Variants in ZNF521 observed in about 807,000 individuals in gnomAD.
ZNF521 encodes the protein LYST-interacting protein 3.
In ZNF521, 14 loss-of-function variants were observed where a neutral mutation model predicts 105.5. The observed-to-expected ratio is 0.13, with a 90% CI of 0.09 to 0.21. The LOEUF is 0.21. Ranked by LOEUF, ZNF521 falls within the 10% of genes least tolerant of loss-of-function variation. ZNF521 has a pLI of 1.00. For missense variants in ZNF521, 1,233 were observed against 1,629.7 expected, an observed-to-expected ratio of 0.76 and a Z score of 4.19; for synonymous variants, 635 against 606.0, an observed-to-expected ratio of 1.05 and a Z score of -0.70.
Position 25,179,116 on chromosome 18 carries a change from C to CTTTTTTTT in ZNF521, c.3658+16036_3658+16043dup, listed in dbSNP as rs1175859497. Among the ~76,000 whole-genome samples, 69 of 52,482 alleles carry CTTTTTTTT rather than the reference C, an allele frequency of 1.3e-3. 8 individuals are homozygous for CTTTTTTTT. Among genetic ancestry groups the CTTTTTTTT allele is most frequent in the Non-Finnish European group, 1.4e-3 (42 of 28,972 alleles). The allele number at this position is 52,482 out of a possible 152,430, so 34.4% of individuals were successfully genotyped here. ...GACTTATACTTCTTTTTCTTTATTC[C>CTTTTTTTT]TTTTTTTTTTTTTTTTTTTTTTTTT... On this transcript the variant is annotated intron_variant, in intron 5 of 7. Transcript: ENST00000361524.
intron 3 of ZNF521, among the ~76,000 whole-genome samples, chr18:25,269,518 A>T (rs12607474): frequency 0.015 from 2,326 of 152,336 alleles, 52 homozygotes; most frequent in East Asian, 0.083. Context: ...CACTTATTCT[A>T]TAATTGACCA....
chr18:25,260,031 T>C (rs1393754794), intron 3 of ZNF521, among the ~76,000 whole-genome samples: 1 of 151,966 alleles, frequency 6.6e-6, no homozygotes, highest in African/African-American at 2.4e-5. Flanking sequence ...AGGCAAATTA[T>C]GTAGGGAGTG....
At chr18:25,321,469 A>AAGACACAGTTTCAGCCATCCATGAGCTT (rs1912931457) in intron 3 of ZNF521, among the ~76,000 whole-genome samples, 1 of 152,232 alleles carries the variant, frequency 6.6e-6, no homozygotes, top group Non-Finnish European at 1.5e-5. Flanking sequence ...GAGAATGAAT[A>AAGACACAGTTTCAGCCATCCATGAGCTT]AGACACAGTT....
intron 5 of ZNF521, among the ~76,000 whole-genome samples, chr18:25,156,159 T>C (rs2035140213): frequency 6.6e-6 from 1 of 152,226 alleles, no homozygotes; most frequent in South Asian, 2.1e-4. Context: ...TTTGTTAGGT[T>C]TTCCCATTAT....
chr18:25,116,263 GAA>G (rs2034299638), intron 5 of ZNF521, among the ~76,000 whole-genome samples: 1 of 152,142 alleles, frequency 6.6e-6, no homozygotes, highest in African/African-American at 2.4e-5. Flanking sequence ...TCCAGGGTGA[GAA>G]AAAGACAAGG....
chr18:25,280,483 T>C (rs1021469548), intron 3 of ZNF521, among the ~76,000 whole-genome samples: 1 of 152,018 alleles, frequency 6.6e-6, no homozygotes, highest in African/African-American at 2.4e-5. Flanking sequence ...CTTTTCTCTG[T>C]TTCAGATGCA....
chr18:25,199,890 A>G (rs1276543345), intron 4 of ZNF521, among the ~76,000 whole-genome samples: 2 of 152,090 alleles, frequency 1.3e-5, no homozygotes, highest in African/African-American at 2.4e-5. Context: ...AATCTAATAT[A>G]TAAACTCTAA....
At chr18:25,095,222 T>A (rs1471723872) in intron 5 of ZNF521, among the ~76,000 whole-genome samples, 1 of 152,146 alleles carries the variant, frequency 6.6e-6, no homozygotes, top group Non-Finnish European at 1.5e-5. Flanking sequence ...CTTGATGGGA[T>A]ACTATCAGCA....
At chr18:25,134,496 A>G (rs2034697336) in intron 5 of ZNF521, among the ~76,000 whole-genome samples, 1 of 152,116 alleles carries the variant, frequency 6.6e-6, no homozygotes, top group African/African-American at 2.4e-5. Flanking sequence ...GATAAAGACA[A>G]TATTCCCATC....
intron 7 of ZNF521, among the ~76,000 whole-genome samples, chr18:25,063,224 A>T (rs2032957509): frequency 6.6e-6 from 1 of 152,152 alleles, no homozygotes; most frequent in Non-Finnish European, 1.5e-5. Flanking sequence ...CTCTGTTCCA[A>T]TCCCTCTGAG....
chr18:25,226,421 A>C lies in ZNF521; in HGVS notation c.1497T>G (p.Ser499=). The C allele has an allele frequency of 6.2e-7, 1 of 1,614,192 alleles. No homozygotes were observed. Among genetic ancestry groups the C allele is most frequent in the East Asian group, 2.2e-5 (1 of 44,868 alleles). ...LNTLQEHIRC[S]HGFANPAAKD... ...TAGCTGCAGGGTTTGCAAATCCATG[A>C]GAACATCGGATGTGTTCCTGAAGAG... Residue 499 remains serine (S), a synonymous_variant, in exon 4 of 8, where the codon TCT becomes TCG. Transcript: ENST00000361524. This position sits in a 1 kb window ranked among gnomAD's most constrained non-coding sequence, Gnocchi z 4.1.
chr18:25,105,196 G>A (rs1389820311), intron 5 of ZNF521, among the ~76,000 whole-genome samples: 5 of 152,140 alleles, frequency 3.3e-5, no homozygotes, highest in African/African-American at 4.8e-5. Context: ...GGAAGGGGAA[G>A]AATGCAACCA....
chr18:25,113,344 CCTTTT>C (rs1165703147), intron 5 of ZNF521, among the ~76,000 whole-genome samples: 2 of 152,158 alleles, frequency 1.3e-5, no homozygotes, highest in Non-Finnish European at 2.9e-5. Context: ...CAGATGAAAA[CCTTTT>C]CTAACAAGGC....
At chr18:25,264,835 C>T (rs1163805077) in intron 3 of ZNF521, among the ~76,000 whole-genome samples, 2 of 151,550 alleles carry the variant, frequency 1.3e-5, no homozygotes, top group African/African-American at 2.4e-5. Context: ...AGGGAAGAAA[C>T]AGAAAAAGCT....
intron 4 of ZNF521, among the ~76,000 whole-genome samples, chr18:25,211,353 G>A (rs1364590181): frequency 6.6e-6 from 1 of 152,148 alleles, no homozygotes; most frequent in Non-Finnish European, 1.5e-5. Flanking sequence ...TGCTTATAGA[G>A]CATTGATAAC....
intron 2 of ZNF521, among the ~76,000 whole-genome samples, chr18:25,331,474 TTGGACATTTGCGAAAGAATC>T (rs1369523916): frequency 6.6e-6 from 1 of 152,198 alleles, no homozygotes; most frequent in Non-Finnish European, 1.5e-5. Context: ...ATTTAGACAT[TTGGACATTTGCGAAAGAATC>T]TGGCTCCTCT....
chr18:25,277,087 G>T (rs940751413), intron 3 of ZNF521, among the ~76,000 whole-genome samples: 1 of 151,762 alleles, frequency 6.6e-6, no homozygotes, highest in African/African-American at 2.4e-5. Context: ...AGAGGCTGAG[G>T]CAGGACAATC....
chr18:25,184,533 C>T (rs1291048238), intron 5 of ZNF521, among the ~76,000 whole-genome samples: 2 of 152,206 alleles, frequency 1.3e-5, no homozygotes, highest in South Asian at 2.1e-4. Context: ...AAATTAATTG[C>T]ATTACTGAGT....
At position 25,156,119 on chromosome 18, in the gene ZNF521, C is replaced by T. The variant is rs947409249; in HGVS notation, c.3658+39041G>A. Among the ~76,000 whole-genome samples the T allele has an allele frequency of 3.9e-5, 6 of 152,008 alleles. No individual in the cohort carries two copies. In the East Asian group the frequency reaches 5.8e-4, roughly 15 times the overall value. ...TTATAGCTGCTCTGACCACAGCAGG[C>T]GGAAATGGGTAACTATGTGAAATGA... On this transcript the variant is annotated intron_variant, in intron 5 of 7. Transcript: ENST00000361524.
Sources: gnomAD v4.1 joint callset for allele counts (sites outside exome capture counted in the v4.1 genomes callset) on GRCh38, gnomAD v4.1.1 for gene constraint, Gnocchi (gnomAD v3.1) non-coding constraint, MANE v1.5 for transcripts, NCBI Gene and HGNC (gene_info 2026-07-23, HGNC 2026-07-21) for gene names.